SLC36A1: variants seen among roughly 807,000 people sequenced by gnomAD.
SLC36A1 encodes proton-coupled amino acid transporter 1.
SLC36A1 carries 30 observed loss-of-function variants against 47.5 expected under a neutral mutation model. The observed-to-expected ratio is 0.63, with a 90% CI of 0.47 to 0.86. SLC36A1 has a LOEUF of 0.86. Ranked by LOEUF, SLC36A1 falls within the 40% of genes least tolerant of loss-of-function variation. The pLI is 0.00. For synonymous variants in SLC36A1, 255 were observed against 249.7 expected, an observed-to-expected ratio of 1.02 and a Z score of -0.20; for missense variants, 517 against 606.0, an observed-to-expected ratio of 0.85 and a Z score of 1.54.
the SLC36A1 span, among the ~76,000 whole-genome samples, chr5:151,509,296 C>T: frequency 6.6e-6 from 1 of 152,216 alleles, no homozygotes; most frequent in East Asian, 1.9e-4. Flanking sequence ...ACAGTATGTT[C>T]AGAATAGGGC....
chr5:151,406,801 G>A, the SLC36A1 span, among the ~76,000 whole-genome samples: 1 of 152,074 alleles, frequency 6.6e-6, no homozygotes. Flanking sequence ...TAGTGTGTCC[G>A]GAATTGGTTC....
chr5:151,424,313 A>G, the SLC36A1 span, among the ~76,000 whole-genome samples: 1 of 152,230 alleles, frequency 6.6e-6, no homozygotes, highest in South Asian at 2.1e-4. Context: ...GAGAAGGCGA[A>G]GGGATGGGGG....
rs73270299 is a variant in SLC36A1 at position 151,461,515 on chromosome 5, T to C, written c.144-2038T>C. 9.2e-3 allele frequency among the ~76,000 whole-genome samples: 1,396 copies of C among 152,232 alleles called. 20 individuals are homozygous for C. Among genetic ancestry groups the C allele is most frequent in the African/African-American group, 0.032 (1,329 of 41,538 alleles). On this transcript the variant is annotated intron_variant, in intron 2 of 10. Coordinates refer to ENST00000243389, the MANE Select transcript of SLC36A1 (RefSeq NM_078483.4). ...TCTAAAGGTGAGCTGGAGTAGTCAT[T>C]TGCAAAATGTGGTCTGCACACTTTG...
chr5:151,455,788 A>G (rs12655145), intron 1 of SLC36A1, among the ~76,000 whole-genome samples: 98,791 of 152,068 alleles, frequency 0.65, 32,450 homozygotes, highest in East Asian at 0.83. Flanking sequence ...GTTACCACAG[A>G]TTCTTAAAGG....
At chr5:151,494,520 C>T (rs1195411521), downstream of SLC36A1, among the ~76,000 whole-genome samples, 2 of 152,142 alleles carry the variant, frequency 1.3e-5, no homozygotes, top group Non-Finnish European at 2.9e-5. Flanking sequence ...CCAGTTTTGT[C>T]TTTTCTAGAA....
the SLC36A1 span, among the ~76,000 whole-genome samples, chr5:151,387,995 T>C: frequency 2.0e-5 from 3 of 152,186 alleles, no homozygotes; most frequent in South Asian, 2.1e-4. Context: ...ACCCCAAATA[T>C]ATTTATTTGC....
At chr5:151,347,485 G>A in the SLC36A1 span, 20 of 1,612,584 alleles carry the variant, frequency 1.2e-5, no homozygotes, top group South Asian at 2.2e-5. Flanking sequence ...CAAGGAGCTC[G>A]GGGTGACAAA....
intron 1 of SLC36A1, among the ~76,000 whole-genome samples, chr5:151,458,325 T>C (rs55817630): frequency 1.3e-3 from 131 of 104,140 alleles, no homozygotes; most frequent in African/African-American, 3.6e-3. Context: ...TATATATATA[T>C]ATATATATGG....
the SLC36A1 span, chr5:151,546,052 T>C: frequency 5.6e-6 from 9 of 1,614,134 alleles, no homozygotes; most frequent in Non-Finnish European, 7.6e-6. Context: ...TCTTAACTCA[T>C]AGGTAACTTC....
the SLC36A1 span, among the ~76,000 whole-genome samples, chr5:151,376,781 T>G: frequency 6.6e-6 from 1 of 152,044 alleles, no homozygotes; most frequent in Non-Finnish European, 1.5e-5. Flanking sequence ...TACAGGCACA[T>G]GCCACCACAC....
intron 1 of SLC36A1, among the ~76,000 whole-genome samples, chr5:151,450,565 G>A (rs551288568): frequency 8.5e-5 from 13 of 152,272 alleles, no homozygotes; most frequent in Non-Finnish European, 4.4e-5. Flanking sequence ...ATGTGGGATG[G>A]ATGGAGCAGA....
At chr5:151,387,982 G>A in the SLC36A1 span, among the ~76,000 whole-genome samples, 5 of 152,062 alleles carry the variant, frequency 3.3e-5, no homozygotes, top group South Asian at 2.1e-4. Flanking sequence ...TCAAAATATC[G>A]TAACCCCAAA....
the SLC36A1 span, chr5:151,525,654 T>G: frequency 1.6e-5 from 18 of 1,158,426 alleles, no homozygotes; most frequent in Admixed American, 9.5e-5. Context: ...CAGTGCCTGA[T>G]GCATCCTAAG....
chr5:151,432,326 A>G (rs117068387), upstream of SLC36A1, among the ~76,000 whole-genome samples: 2 of 152,310 alleles, frequency 1.3e-5, no homozygotes, highest in East Asian at 3.9e-4. Flanking sequence ...CGGTCAGCAA[A>G]GCTTTCCCCG....
At chr5:151,402,096 C>T in the SLC36A1 span, among the ~76,000 whole-genome samples, 3 of 152,116 alleles carry the variant, frequency 2.0e-5, no homozygotes, top group Non-Finnish European at 2.9e-5. Context: ...TCGGCTTTTG[C>T]CCATTCAGGA....
chr5:151,431,909 T>C, the SLC36A1 span, among the ~76,000 whole-genome samples: 80 of 152,350 alleles, frequency 5.3e-4, no homozygotes, highest in African/African-American at 1.9e-3. Flanking sequence ...ATCTCAGCTC[T>C]TGGGCCTTAA....
chr5:151,443,096 T>C (rs1000595526), upstream of SLC36A1, among the ~76,000 whole-genome samples: 1 of 152,188 alleles, frequency 6.6e-6, no homozygotes, highest in Non-Finnish European at 1.5e-5. Flanking sequence ...CTACAATGAA[T>C]ATGGGCATGC....
At chr5:151,451,268 G>A (rs1753622706) in intron 1 of SLC36A1, among the ~76,000 whole-genome samples, 1 of 151,722 alleles carries the variant, frequency 6.6e-6, no homozygotes, top group Non-Finnish European at 1.5e-5. Context: ...GTCCACGCTG[G>A]TCTTGAACTC....
At chr5:151,499,812 C>T in the SLC36A1 span, among the ~76,000 whole-genome samples, 2 of 149,950 alleles carry the variant, frequency 1.3e-5, no homozygotes, top group Non-Finnish European at 2.9e-5. Flanking sequence ...ATTCTTACAC[C>T]GTTTGTCCTG....
Sources: gnomAD v4.1 joint callset for allele counts (sites outside exome capture counted in the v4.1 genomes callset) on GRCh38, gnomAD v4.1.1 for gene constraint, MANE v1.5 for transcripts, NCBI Gene and HGNC (gene_info 2026-07-23, HGNC 2026-07-21) for gene names.